The following ANKFN1 variants were observed in gnomAD, a reference collection of about 807,000 sequenced individuals.
ANKFN1 encodes the protein ankyrin repeat and fibronectin type-III domain-containing protein 1.
A neutral mutation model predicts 108.7 loss-of-function variants in ANKFN1; 74 were observed. The ratio of observed to expected loss-of-function variants is 0.68; its 90% CI spans 0.56 to 0.83. The LOEUF (loss-of-function observed/expected upper bound fraction) is 0.83. Among genes scored for constraint, ANKFN1 ranks in the 40% least tolerant of loss-of-function variants. The pLI is 0.00. For missense variants in ANKFN1, 1,505 were observed against 1,382.3 expected (o/e 1.09, Z -1.41); for synonymous variants, 547 against 516.2 (o/e 1.06, Z -0.81).
At chr17:56,459,310 C>T (rs1403879294) in intron 14 of ANKFN1, among the ~76,000 whole-genome samples, 2 of 152,106 alleles carry the variant, frequency 1.3e-5, no homozygotes, top group Non-Finnish European at 2.9e-5. Context: ...AGGGTTTTAC[C>T]GTGTAGGCCA....
At chr17:56,502,609 T>C (rs572776330) in intron 20 of ANKFN1, among the ~76,000 whole-genome samples, 1 of 152,346 alleles carries the variant, frequency 6.6e-6, no homozygotes, top group Admixed American at 6.5e-5. Flanking sequence ...CAATGAAATC[T>C]GTCACTGCAT....
At chr17:56,246,814 G>A (rs1308671529) in intron 3 of ANKFN1, among the ~76,000 whole-genome samples, 1 of 152,050 alleles carries the variant, frequency 6.6e-6, no homozygotes, top group Non-Finnish European at 1.5e-5. Flanking sequence ...GTACGTGAAT[G>A]TTAAAGGGTA....
rs139402013 is a variant in ANKFN1, at chr17:56,512,853, C to T, written c.*1584C>T. 3.3e-4 allele frequency among the ~76,000 whole-genome samples: 50 copies of T among 152,304 alleles called. No homozygotes were observed. In the East Asian group the frequency reaches 8.7e-3, roughly 26 times the overall value. On this transcript the variant is annotated 3_prime_UTR_variant, in exon 21 of 21. Transcript: ENST00000682825. ...CCCATGGCCTATGGTCATTAGAAAA[C>T]TAAAGCCCAGAGCTCAGACTTTATT... is the stretch of plus-strand genomic sequence containing the variant.
At position 56,512,909 on chromosome 17, in the gene ANKFN1, C is replaced by G. The variant is rs1360536101; in HGVS notation, c.*1640C>G. ...AAGAGATTTTATACTCAATGAAACC[C>G]TCAAAGAATCTTGATCAGAATCACT... On this transcript the variant is annotated 3_prime_UTR_variant, in exon 21 of 21. Transcript: ENST00000682825. 6.6e-6 allele frequency among the ~76,000 whole-genome samples: 1 copy of G among 152,186 alleles called. No homozygotes were observed. The highest frequency in any genetic ancestry group is 1.5e-5 in the Non-Finnish European group (1 of 68,032).
At chr17:56,285,691 C>T (rs948812116) in intron 3 of ANKFN1, among the ~76,000 whole-genome samples, 1 of 152,164 alleles carries the variant, frequency 6.6e-6, no homozygotes, top group Non-Finnish European at 1.5e-5. Context: ...GACTTCCCTG[C>T]CCAGATAGTC....
intron 3 of ANKFN1, among the ~76,000 whole-genome samples, chr17:56,313,713 T>C (rs1052286135): frequency 1.3e-5 from 2 of 152,244 alleles, no homozygotes; most frequent in South Asian, 4.1e-4. Flanking sequence ...TTACATTTGC[T>C]TCAAATCTCA....
At chr17:56,489,147 A>C (rs899606495) in intron 18 of ANKFN1, among the ~76,000 whole-genome samples, 1 of 152,182 alleles carries the variant, frequency 6.6e-6, no homozygotes. Context: ...CTATATTCCT[A>C]GTGTTGATGC....
At chr17:56,278,708 G>A (rs1042235817) in intron 3 of ANKFN1, among the ~76,000 whole-genome samples, 3 of 152,224 alleles carry the variant, frequency 2.0e-5, no homozygotes, top group Non-Finnish European at 4.4e-5. Context: ...AATTCTGAGA[G>A]TAGATGACCA....
chr17:56,084,633 G>A lies in ANKFN1; in HGVS notation c.288+38308G>A, dbSNP rs1429911465. ...TTGACAGTGTATCTTTGAGGAATTT[G>A]TAGGAAAAGGTGGGAAAACAGAATG... On this transcript the variant is annotated intron_variant, in intron 4 of 12. Transcript: ENST00000635860. 4.6e-5 allele frequency among the ~76,000 whole-genome samples: 7 copies of A among 151,510 alleles called. No homozygotes were observed. In the South Asian group the frequency reaches 8.3e-4, roughly 18 times the overall value.
chr17:56,178,135 G>T (rs761504934), intron 1 of ANKFN1, among the ~76,000 whole-genome samples: 8 of 152,110 alleles, frequency 5.3e-5, no homozygotes, highest in African/African-American at 9.7e-5. Flanking sequence ...AGTCCTAAAA[G>T]GTTGTAGGAT....
intron 1 of ANKFN1, among the ~76,000 whole-genome samples, chr17:56,180,333 C>T (rs1382471749): frequency 6.6e-6 from 1 of 152,162 alleles, no homozygotes; most frequent in Non-Finnish European, 1.5e-5. Flanking sequence ...GGTCCTCATC[C>T]ATGTTTATGG....
chr17:56,066,190 C>A (rs1297134241), intron 4 of ANKFN1, among the ~76,000 whole-genome samples: 4 of 152,210 alleles, frequency 2.6e-5, no homozygotes. Flanking sequence ...ACTTAGATCA[C>A]CTCCCATTCC....
At chr17:56,348,931 T>G (rs188280932) in intron 4 of ANKFN1, among the ~76,000 whole-genome samples, 3 of 152,288 alleles carry the variant, frequency 2.0e-5, no homozygotes, top group Admixed American at 6.5e-5. Context: ...TGCATGCATA[T>G]ATTCACTGCA....
intron 8 of ANKFN1, among the ~76,000 whole-genome samples, chr17:56,434,772 G>A (rs1291390870): frequency 8.0e-6 from 1 of 125,488 alleles, no homozygotes; most frequent in South Asian, 2.7e-4. Context: ...TGGGTTTCTC[G>A]GCACGTCCTT....
chr17:56,243,033 T>C (rs1247241184), intron 3 of ANKFN1, among the ~76,000 whole-genome samples: 1 of 152,184 alleles, frequency 6.6e-6, no homozygotes, highest in Non-Finnish European at 1.5e-5. Context: ...TAATGCTTTT[T>C]TAAAATGTAT....
At chr17:56,068,782 T>A (rs1343644120) in intron 4 of ANKFN1, among the ~76,000 whole-genome samples, 1 of 152,222 alleles carries the variant, frequency 6.6e-6, no homozygotes, top group Non-Finnish European at 1.5e-5. Context: ...AAGGTCACAC[T>A]CCTTCCTCTC....
At chr17:56,441,121 A>G (rs1393532502) in intron 9 of ANKFN1, among the ~76,000 whole-genome samples, 1 of 152,174 alleles carries the variant, frequency 6.6e-6, no homozygotes, top group Non-Finnish European at 1.5e-5. Flanking sequence ...ACTGGAGCAA[A>G]CCCTGTATTT....
In ANKFN1 at chr17:56,189,170, C is replaced by CATTTT. The variant is rs1555607722; in HGVS notation, c.-70-23428_-70-23427insATTTT. 5.6e-4 allele frequency among the ~76,000 whole-genome samples: 48 copies of CATTTT among 85,264 alleles called. 1 individual carries two copies. Among genetic ancestry groups the CATTTT allele is most frequent in the Middle Eastern group, 6.6e-3 (1 of 152 alleles). The allele number at this position is 85,264 out of a possible 152,430, so 55.9% of individuals were successfully genotyped here. On this transcript the variant is annotated intron_variant, in intron 1 of 20. Transcript: ENST00000682825. ...CCTAAGTAAGTAAATGTTGCCCTGACTTTTTTTTTTTTTTTTTTGAGACGG... is the reference window on the plus strand; with the variant it reads ...CCTAAGTAAGTAAATGTTGCCCTGACATTTTTTTTTTTTTTTTTTTTTTGAGACGG...
chr17:56,050,817 G>A (rs1405929360), intron 4 of ANKFN1, among the ~76,000 whole-genome samples: 2 of 151,992 alleles, frequency 1.3e-5, no homozygotes. Context: ...AGAAAATCTA[G>A]AAGAAATGGA....
Sources: allele counts gnomAD v4.1 joint callset (sites outside exome capture counted in the v4.1 genomes callset), GRCh38; gene constraint gnomAD v4.1.1; transcripts MANE v1.5; gene names NCBI Gene and HGNC (gene_info 2026-07-23, HGNC 2026-07-21).